The following ERBB4 variants were observed in gnomAD, a reference collection of about 807,000 sequenced individuals.
ERBB4 encodes the protein receptor tyrosine-protein kinase erbB-4.
In ERBB4, 42 loss-of-function variants were observed where a neutral mutation model predicts 158.0. The ratio of observed to expected loss-of-function variants is 0.27; its 90% CI spans 0.21 to 0.34. ERBB4 has a LOEUF of 0.34. Ranked by LOEUF, ERBB4 falls within the 10% of genes least tolerant of loss-of-function variation. The pLI, the probability that ERBB4 is intolerant of heterozygous loss-of-function variation, is 1.00. For missense variants in ERBB4, 1,333 were observed against 1,624.1 expected (o/e 0.82, Z 3.08); for synonymous variants, 583 against 558.7 (o/e 1.04, Z -0.61).
At position 212,144,019 on chromosome 2, in the gene ERBB4, A is replaced by C. The variant is rs553727783; in HGVS notation, c.83-19116T>G. Among the ~76,000 whole-genome samples the C allele has an allele frequency of 8.1e-3, 995 of 123,490 alleles. 7 individuals carry two copies. Among genetic ancestry groups the C allele is most frequent in the Middle Eastern group, 0.027 (7 of 260 alleles). The allele number at this position is 123,490 out of a possible 152,430, so 81.0% of individuals were successfully genotyped here. On this transcript the variant is annotated intron_variant, in intron 1 of 27. Transcript: ENST00000342788. Reference sequence around the variant, plus strand: ...GGGCGACAGAGTGAGACTTCATCTCAAAAAAAAAAAAAGAAGAAACTTAAT... The same window carrying C: ...GGGCGACAGAGTGAGACTTCATCTCCAAAAAAAAAAAAGAAGAAACTTAAT...
chr2:211,760,371 T>A (rs1301875253), intron 4 of ERBB4, among the ~76,000 whole-genome samples: 2 of 152,224 alleles, frequency 1.3e-5, no homozygotes, highest in Non-Finnish European at 2.9e-5. Flanking sequence ...CATAAAATGT[T>A]TGAAATACAC....
chr2:212,053,208 A>T lies in ERBB4; in HGVS notation c.234+71544T>A, dbSNP rs145434311. On this transcript the variant is annotated intron_variant, in intron 2 of 27. Coordinates refer to ENST00000342788, the MANE Select transcript of ERBB4 (RefSeq NM_005235.3). ...TCAATCGATCAAAATAAAATGGTAC[A>T]TATCATTTCCCTCTTCAAATCTATT... Among the ~76,000 whole-genome samples the T allele has an allele frequency of 9.9e-4, 151 of 152,316 alleles. 1 individual carries two copies. In the East Asian group the frequency reaches 0.02, roughly 20 times the overall value.
At chr2:211,987,746 T>C (rs2081975324) in intron 2 of ERBB4, among the ~76,000 whole-genome samples, 1 of 152,224 alleles carries the variant, frequency 6.6e-6, no homozygotes, top group Admixed American at 6.5e-5. Flanking sequence ...ACTCACAATG[T>C]ATAATTACAA....
At chr2:212,104,557 A>T (rs2079171445) in intron 2 of ERBB4, among the ~76,000 whole-genome samples, 1 of 152,254 alleles carries the variant, frequency 6.6e-6, no homozygotes, top group African/African-American at 2.4e-5. Flanking sequence ...ACAACCAAAA[A>T]GTAGGTACCA....
At chr2:211,987,757 A>G (rs924015485) in intron 2 of ERBB4, among the ~76,000 whole-genome samples, 2 of 152,240 alleles carry the variant, frequency 1.3e-5, no homozygotes, top group African/African-American at 2.4e-5. Context: ...ATAATTACAA[A>G]GTATATTGCC....
intron 19 of ERBB4, among the ~76,000 whole-genome samples, chr2:211,580,789 TATATATATATATATATATATATA>T (rs2125768502): frequency 5.4e-4 from 1 of 1,838 alleles, no homozygotes; most frequent in African/African-American, 2.9e-3. Flanking sequence ...GAAATTGTGA[TATATATATATATATATATATATA>T]ATATATATAT....
chr2:211,760,927 C>T (rs2075393565), intron 4 of ERBB4, among the ~76,000 whole-genome samples: 2 of 152,002 alleles, frequency 1.3e-5, no homozygotes, highest in South Asian at 2.1e-4. Flanking sequence ...GAAAATGGGT[C>T]GGGCGTGGTG....
At chr2:212,002,631 CTGA>C (rs2125282768) in intron 2 of ERBB4, among the ~76,000 whole-genome samples, 1 of 152,146 alleles carries the variant, frequency 6.6e-6, no homozygotes, top group South Asian at 2.1e-4. Flanking sequence ...TCAAAAGAAA[CTGA>C]TGATGATACA....
chr2:211,421,484 T>C (rs554385100), intron 24 of ERBB4, among the ~76,000 whole-genome samples: 1 of 152,052 alleles, frequency 6.6e-6, no homozygotes, highest in Admixed American at 6.6e-5. Context: ...CTTTGGTTGG[T>C]TGATTAAAAT....
intron 1 of ERBB4, among the ~76,000 whole-genome samples, chr2:212,296,157 T>C (rs1211106567): frequency 6.6e-6 from 1 of 151,914 alleles, no homozygotes; most frequent in Non-Finnish European, 1.5e-5. Context: ...AAATTTAATC[T>C]ATAATGATGT....
At chr2:211,391,433 G>A (rs1206186343) in intron 25 of ERBB4, among the ~76,000 whole-genome samples, 2 of 152,178 alleles carry the variant, frequency 1.3e-5, no homozygotes, top group Admixed American at 6.5e-5. Context: ...GCAGCACTGG[G>A]TGCATCTGTT....
chr2:212,412,819 T>C (rs1466941046), intron 1 of ERBB4, among the ~76,000 whole-genome samples: 2 of 152,250 alleles, frequency 1.3e-5, no homozygotes, highest in African/African-American at 4.8e-5. Context: ...AATGCATTTG[T>C]GTACAATGTT....
intron 20 of ERBB4, among the ~76,000 whole-genome samples, chr2:211,442,853 C>T (rs933043681): frequency 1.1e-4 from 17 of 151,818 alleles, no homozygotes; most frequent in South Asian, 6.2e-4. Flanking sequence ...TATATTTTTT[C>T]GGCTTGTTCA....
intron 5 of ERBB4, among the ~76,000 whole-genome samples, chr2:211,726,394 C>T (rs2074269963): frequency 6.6e-6 from 1 of 152,090 alleles, no homozygotes; most frequent in South Asian, 2.1e-4. Flanking sequence ...CAGAAGTCCC[C>T]ATTTTGATAT....
intron 3 of ERBB4, among the ~76,000 whole-genome samples, chr2:211,859,345 T>C (rs1454556133): frequency 6.6e-6 from 1 of 152,196 alleles, no homozygotes; most frequent in East Asian, 1.9e-4. Flanking sequence ...GATTATCATG[T>C]TATCACATCC....
intron 1 of ERBB4, among the ~76,000 whole-genome samples, chr2:212,472,526 T>C (rs954849256): frequency 3.3e-5 from 5 of 151,596 alleles, no homozygotes; most frequent in African/African-American, 7.3e-5. Flanking sequence ...ATGTTTTGAG[T>C]TCCATATTAA....
At chr2:212,501,400 T>C (rs1489167346) in intron 1 of ERBB4, among the ~76,000 whole-genome samples, 1 of 152,114 alleles carries the variant, frequency 6.6e-6, no homozygotes, top group Non-Finnish European at 1.5e-5. Flanking sequence ...CTGATCCATG[T>C]AAATACTCAT....
chr2:211,882,359 T>C (rs370480032), intron 3 of ERBB4, among the ~76,000 whole-genome samples: 1 of 152,174 alleles, frequency 6.6e-6, no homozygotes. Context: ...ATGGAGCTTA[T>C]GCTGAGAATG....
intron 5 of ERBB4, among the ~76,000 whole-genome samples, chr2:211,731,894 T>C (rs1031287861): frequency 2.6e-5 from 4 of 152,186 alleles, no homozygotes; most frequent in African/African-American, 9.6e-5. Context: ...TGAACACATT[T>C]GTGTGTCCAG....
Sources: allele counts gnomAD v4.1 joint callset (sites outside exome capture counted in the v4.1 genomes callset), GRCh38; gene constraint gnomAD v4.1.1; transcripts MANE v1.5; gene names NCBI Gene and HGNC (gene_info 2026-07-23, HGNC 2026-07-21).